SULF1: variants seen among roughly 807,000 people sequenced by gnomAD.
The protein encoded by SULF1 is sulfatase 1, also known as extracellular sulfatase Sulf-1.
In SULF1, 46 loss-of-function variants were observed where a neutral mutation model predicts 110.5. The observed-to-expected ratio is 0.42, with a 90% CI of 0.33 to 0.53. The LOEUF (loss-of-function observed/expected upper bound fraction) is 0.53, where lower values mean the gene tolerates loss of function less well. Among genes scored for constraint, SULF1 ranks in the 20% least tolerant of loss-of-function variants. SULF1 has a pLI of 0.12. For missense variants in SULF1, 941 were observed against 1,094.2 expected (o/e 0.86, Z 1.98); for synonymous variants, 371 against 387.1 (o/e 0.96, Z 0.49).
At chr8:69,596,899 C>A (rs1228576357) in intron 8 of SULF1, among the ~76,000 whole-genome samples, 9 of 152,140 alleles carry the variant, frequency 5.9e-5, no homozygotes, top group Non-Finnish European at 1.3e-4. Flanking sequence ...AATCTCTTAA[C>A]CCCTACAAGA....
intron 13 of SULF1, among the ~76,000 whole-genome samples, chr8:69,607,425 C>T (rs947153622): frequency 2.0e-5 from 3 of 152,176 alleles, no homozygotes; most frequent in East Asian, 1.9e-4. Flanking sequence ...AGTGCAGTGG[C>T]GTGATCATGG....
upstream of SULF1, among the ~76,000 whole-genome samples, chr8:69,491,900 G>A (rs1276039848): frequency 1.3e-5 from 2 of 152,172 alleles, no homozygotes; most frequent in Non-Finnish European, 2.9e-5. Context: ...AGGGGAAATT[G>A]GGGAAGGCTT....
chr8:69,610,683 TAAACA>T (rs1415075787), intron 13 of SULF1, among the ~76,000 whole-genome samples: 1 of 152,246 alleles, frequency 6.6e-6, no homozygotes, highest in Non-Finnish European at 1.5e-5. Context: ...GCATTTGTTC[TAAACA>T]AGTCAAAAAA....
intron 3 of SULF1, among the ~76,000 whole-genome samples, chr8:69,513,868 A>G (rs1811740991): frequency 6.6e-6 from 1 of 152,228 alleles, no homozygotes; most frequent in Non-Finnish European, 1.5e-5. Context: ...ATAGTAACAC[A>G]CACTCTTAAT....
intron 2 of SULF1, among the ~76,000 whole-genome samples, chr8:69,500,802 G>A (rs1391272819): frequency 1.3e-5 from 2 of 152,186 alleles, no homozygotes; most frequent in African/African-American, 4.8e-5. Context: ...ACTAGCGGCG[G>A]CGGAGTTTCA....
Position 69,565,261 on chromosome 8 carries a change from C to A in SULF1, c.172+1114C>A, listed in dbSNP as rs1389622853. 2.0e-5 allele frequency among the ~76,000 whole-genome samples: 3 copies of A among 151,436 alleles called. No individual in the cohort carries two copies. In the East Asian group the frequency reaches 5.8e-4, roughly 29 times the overall value. ...TTTAACAAGGGTATTGATTTTCAGG[C>A]GACAGGCCAAAATGAAAGGTGTCAC... On this transcript the variant is annotated intron_variant, in intron 5 of 22. Coordinates refer to ENST00000402687, the MANE Select transcript of SULF1 (RefSeq NM_001128205.2).
intron 3 of SULF1, among the ~76,000 whole-genome samples, chr8:69,518,403 G>A (rs1388421575): frequency 6.6e-6 from 1 of 152,072 alleles, no homozygotes; most frequent in Admixed American, 6.5e-5. Flanking sequence ...TCCTGGTTAG[G>A]CATCACATTT....
At chr8:69,585,944 A>G (rs1806427975) in intron 6 of SULF1, among the ~76,000 whole-genome samples, 2 of 152,228 alleles carry the variant, frequency 1.3e-5, no homozygotes, top group African/African-American at 4.8e-5. Context: ...GTAAGTTAGA[A>G]AACTTATCAC....
chr8:69,539,038 A>T (rs1407816472), intron 3 of SULF1, among the ~76,000 whole-genome samples: 1 of 152,194 alleles, frequency 6.6e-6, no homozygotes, highest in Non-Finnish European at 1.5e-5. Context: ...TGAACCCTGT[A>T]GCTGGATCCC....
intron 8 of SULF1, 39 bp from the exon 9 acceptor site, chr8:69,600,564 A>G (rs202188135): frequency 2.1e-5 from 33 of 1,541,090 alleles, no homozygotes; most frequent in Non-Finnish European, 2.9e-5. Context: ...AAGACTAAGT[A>G]AGAAATATAT....
intron 3 of SULF1, among the ~76,000 whole-genome samples, chr8:69,546,026 A>G (rs551744009): frequency 3.0e-4 from 45 of 152,250 alleles, no homozygotes; most frequent in African/African-American, 1.1e-3. Flanking sequence ...GTCCCACACA[A>G]TCCTTTCATT....
In SULF1 at chr8:69,478,943, G is replaced by A. The variant is rs182302998; in HGVS notation, c.-391+11993G>A. On this transcript the variant is annotated intron_variant, in intron 1 of 22. Coordinates refer to the SULF1 transcript ENST00000260128. ...TAGAACATTATATTTTAGTCATTGAGAATTTTAGGAAACTAATCAGCAGCA... is the reference window on the plus strand; with the variant it reads ...TAGAACATTATATTTTAGTCATTGAAAATTTTAGGAAACTAATCAGCAGCA... 1.3e-4 allele frequency among the ~76,000 whole-genome samples: 20 copies of A among 152,272 alleles called. No individual in the cohort carries two copies. The East Asian group carries it at 3.9e-3, about 29-fold the overall frequency.
At chr8:69,613,777 G>A (rs80276489) in intron 13 of SULF1, among the ~76,000 whole-genome samples, 1 of 151,936 alleles carries the variant, frequency 6.6e-6, no homozygotes, top group East Asian at 1.9e-4. Flanking sequence ...CTTTTTAAAG[G>A]CCAATTATAG....
At chr8:69,560,770 A>G (rs982178666) in intron 3 of SULF1, among the ~76,000 whole-genome samples, 1 of 152,208 alleles carries the variant, frequency 6.6e-6, no homozygotes, top group South Asian at 2.1e-4. Flanking sequence ...CAGGCAGTTA[A>G]GAGGATGACA....
chr8:69,615,202 C>T (rs1256370823), intron 13 of SULF1, among the ~76,000 whole-genome samples: 1 of 152,218 alleles, frequency 6.6e-6, no homozygotes, highest in African/African-American at 2.4e-5. Flanking sequence ...ATGCAAAAAA[C>T]ATCCCTTCTC....
At chr8:69,627,382 G>T in intron 16 of SULF1, 76 bp downstream of exon 16, 1 of 1,040,160 alleles carries the variant, frequency 9.6e-7, no homozygotes, top group Non-Finnish European at 1.5e-6. Context: ...TGTCTGGTGG[G>T]ACATACCACA....
intron 5 of SULF1, among the ~76,000 whole-genome samples, chr8:69,570,970 G>C (rs77321815): frequency 1.3e-5 from 2 of 152,198 alleles, no homozygotes; most frequent in South Asian, 2.1e-4. Context: ...ACATAATCAC[G>C]GTTGCTTCAG....
intron 1 of SULF1, among the ~76,000 whole-genome samples, chr8:69,480,807 A>G (rs1163078819): frequency 2.0e-5 from 3 of 148,408 alleles, no homozygotes; most frequent in East Asian, 2.1e-4. Context: ...TTTTCACTGC[A>G]TGTTCTCACT....
chr8:69,575,969 G>T lies in SULF1; in HGVS notation c.173-1G>T. The T allele has an allele frequency of 1.2e-6, 2 of 1,613,520 alleles. No individual in the cohort carries two copies. The highest frequency in any genetic ancestry group is 1.7e-6 in the Non-Finnish European group (2 of 1,179,708). Reference sequence around the variant, plus strand: ...AACAATGCTGGCACTGTGCCTTTCAGGGTCCCTGCAAGTCATGAACAAAAC... The same window carrying T: ...AACAATGCTGGCACTGTGCCTTTCATGGTCCCTGCAAGTCATGAACAAAAC... On this transcript the variant is annotated splice_acceptor_variant, in intron 5 of 22. Transcript: ENST00000402687. LOFTEE classifies it high-confidence loss of function.
Sources: allele counts gnomAD v4.1 joint callset (sites outside exome capture counted in the v4.1 genomes callset), GRCh38; gene constraint gnomAD v4.1.1; transcripts MANE v1.5; gene names NCBI Gene and HGNC (gene_info 2026-07-23, HGNC 2026-07-21).